GGNBP2: variants seen among roughly 807,000 people sequenced by gnomAD.
GGNBP2 encodes gametogenetin-binding protein 2.
In GGNBP2, 10 loss-of-function variants were observed where a neutral mutation model predicts 85.9. The ratio of observed to expected loss-of-function variants is 0.12; its 90% CI spans 0.07 to 0.20. The LOEUF is 0.20. Ranked by LOEUF, GGNBP2 falls within the 10% of genes least tolerant of loss-of-function variation. The probability of loss-of-function intolerance (pLI) is 1.00; values close to 1 mark genes in which losing one functional copy is unlikely to be tolerated. For synonymous variants in GGNBP2, 287 were observed against 285.7 expected (o/e 1.00, Z -0.05); for missense variants, 595 against 857.8 (o/e 0.69, Z 3.83).
Position 36,545,650 on chromosome 17 carries a change from G to A in GGNBP2, c.-75G>A, listed in dbSNP as rs2074244822. 6 of 1,184,434 alleles carry A rather than the reference G, an allele frequency of 5.1e-6. No homozygotes were observed. The highest frequency in any genetic ancestry group is 7.3e-6 in the Non-Finnish European group (6 of 816,902). 73.4% of individuals were successfully genotyped at this position (1,184,434 alleles called of 1,614,324 possible). A position where few individuals can be genotyped will look rare whatever the true frequency, so the allele number is the denominator to read the frequency against. ...GCTGGGAGGAGGCGGCAGCGGCGGC[G>A]GCAGAAACAGCAGCGGCGGCGGCGG... On this transcript the variant is annotated 5_prime_UTR_variant, in exon 2 of 14. Coordinates refer to ENST00000613102, the MANE Select transcript of GGNBP2 (RefSeq NM_024835.5).
At chr17:36,585,204 C>A (rs1268189054) in intron 9 of GGNBP2, 96 bp from the exon 10 acceptor site, 1 of 1,047,520 alleles carries the variant, frequency 9.5e-7, no homozygotes, top group Non-Finnish European at 1.4e-6. Context: ...AATGCCACAT[C>A]TTACTATTAG....
intron 6 of GGNBP2, among the ~76,000 whole-genome samples, chr17:36,575,616 ATATATATATATATAT>A (rs2074569258): frequency 1.6e-5 from 1 of 64,004 alleles, no homozygotes; most frequent in African/African-American, 1.1e-4. Context: ...AATGTAACAT[ATATATATATATATAT>A]ATATATATAT....
intron 4 of GGNBP2, among the ~76,000 whole-genome samples, chr17:36,559,732 G>C (rs1567821267): frequency 6.6e-6 from 1 of 152,238 alleles, no homozygotes; most frequent in Non-Finnish European, 1.5e-5. Flanking sequence ...TATTGCAGTT[G>C]ACTAAGCTAG....
chr17:36,563,996 G>C (rs1046152539), intron 5 of GGNBP2, among the ~76,000 whole-genome samples: 4 of 152,150 alleles, frequency 2.6e-5, no homozygotes, highest in Admixed American at 1.3e-4. Context: ...AACCCGCCTT[G>C]GCCTCCCAAA....
intron 6 of GGNBP2, among the ~76,000 whole-genome samples, chr17:36,573,931 G>T (rs944115007): frequency 6.6e-6 from 1 of 152,054 alleles, no homozygotes; most frequent in African/African-American, 2.4e-5. Flanking sequence ...GAGTGCAGTG[G>T]CATGATCACG....
chr17:36,570,634 C>T (rs754075695), intron 6 of GGNBP2, among the ~76,000 whole-genome samples: 2 of 151,848 alleles, frequency 1.3e-5, no homozygotes, highest in African/African-American at 2.4e-5. Context: ...CAGGAGGAGG[C>T]AGAGGTTGCA....
At chr17:36,557,493 C>T (rs761560947) in intron 4 of GGNBP2, among the ~76,000 whole-genome samples, 157 bp downstream of exon 4, 8 of 152,000 alleles carry the variant, frequency 5.3e-5, no homozygotes, top group Admixed American at 1.3e-4. Context: ...CAACTCTCCA[C>T]GTGGGGAGAG....
chr17:36,548,020 A>G (rs1381353238), intron 2 of GGNBP2, among the ~76,000 whole-genome samples: 1 of 152,192 alleles, frequency 6.6e-6, no homozygotes, highest in Non-Finnish European at 1.5e-5. Context: ...AGATGCCCCT[A>G]TCAGAGTTTT....
intron 5 of GGNBP2, among the ~76,000 whole-genome samples, chr17:36,566,538 G>A (rs2074470489): frequency 6.6e-6 from 1 of 151,954 alleles, no homozygotes; most frequent in African/African-American, 2.4e-5. Context: ...AAATAACCTG[G>A]TGTGGTGGTA....
chr17:36,580,056 C>T (rs980043406), intron 8 of GGNBP2, among the ~76,000 whole-genome samples: 3 of 151,950 alleles, frequency 2.0e-5, no homozygotes, highest in African/African-American at 4.8e-5. Context: ...ACACACATAA[C>T]TAGTGAAAAG....
At chr17:36,564,550 T>G (rs1443845396) in intron 5 of GGNBP2, among the ~76,000 whole-genome samples, 2 of 152,218 alleles carry the variant, frequency 1.3e-5, no homozygotes, top group Non-Finnish European at 2.9e-5. Flanking sequence ...TTGCTGAGTA[T>G]GGAATCAGTG....
chr17:36,577,886 T>C, intron 6 of GGNBP2, 97 bp from the exon 7 acceptor site: 2 of 894,534 alleles, frequency 2.2e-6, no homozygotes, highest in Non-Finnish European at 3.7e-6. Flanking sequence ...TTGGATGCTG[T>C]AGATGGGAGA....
chr17:36,550,522 A>G (rs2074298799), intron 2 of GGNBP2, among the ~76,000 whole-genome samples: 1 of 152,232 alleles, frequency 6.6e-6, no homozygotes, highest in Non-Finnish European at 1.5e-5. Flanking sequence ...GATGTTACAA[A>G]TAGCTGTGTG....
chr17:36,553,635 G>A (rs916071909), intron 2 of GGNBP2, among the ~76,000 whole-genome samples: 1 of 152,106 alleles, frequency 6.6e-6, no homozygotes, highest in Admixed American at 6.6e-5. Flanking sequence ...AGGAGTTTGT[G>A]GTCCTTGTTA....
chr17:36,555,691 G>A (rs1480511745), intron 3 of GGNBP2, among the ~76,000 whole-genome samples: 7 of 152,116 alleles, frequency 4.6e-5, no homozygotes, highest in Admixed American at 6.6e-5. Context: ...GTGAGACCTT[G>A]TCTCAGAAAA....
intron 9 of GGNBP2, among the ~76,000 whole-genome samples, chr17:36,584,337 C>T (rs958836918): frequency 6.6e-6 from 1 of 152,106 alleles, no homozygotes; most frequent in African/African-American, 2.4e-5. Context: ...TCCCATTTGT[C>T]ACATACTTTT....
In GGNBP2 at chr17:36,545,662, A is replaced by G. The variant is rs1037286619; in HGVS notation, c.-63A>G. 1.0e-5 allele frequency: 13 copies of G among 1,300,916 alleles called. No homozygotes were observed. Among genetic ancestry groups the G allele is most frequent in the East Asian group, 7.6e-5 (3 of 39,438 alleles). 80.6% of individuals were successfully genotyped at this position (1,300,916 alleles called of 1,614,324 possible). On this transcript the variant is annotated 5_prime_UTR_variant, in exon 2 of 14. Coordinates refer to ENST00000613102, the MANE Select transcript of GGNBP2 (RefSeq NM_024835.5). ...CGGCAGCGGCGGCGGCAGAAACAGC[A>G]GCGGCGGCGGCGGCGGCAGCTGGGA...
At chr17:36,574,743 T>C in intron 6 of GGNBP2, 1 of 627,756 alleles carries the variant, frequency 1.6e-6, no homozygotes, top group Non-Finnish European at 2.8e-6. Context: ...CCAGTGCCTC[T>C]GGGCGTAGGG....
chr17:36,581,284 C>CA (rs1269877067), intron 8 of GGNBP2, 60 bp from the exon 9 acceptor site: 15,770 of 988,714 alleles, frequency 0.016, 1 homozygote, highest in Non-Finnish European at 0.018. Flanking sequence ...GATTCCGTCT[C>CA]AAAAAAAAAA....
Sources: gnomAD v4.1 joint callset for allele counts (sites outside exome capture counted in the v4.1 genomes callset) on GRCh38, gnomAD v4.1.1 for gene constraint, MANE v1.5 for transcripts, NCBI Gene and HGNC (gene_info 2026-07-23, HGNC 2026-07-21) for gene names.